Variants in CCDC198 observed in about 807,000 individuals in gnomAD.
CCDC198 encodes coiled-coil domain containing 198, also known as factor associated with metabolism and energy.
CCDC198 carries 18 observed loss-of-function variants against 35.6 expected under a neutral mutation model. The observed-to-expected ratio is 0.51, with a 90% CI of 0.35 to 0.75. The LOEUF is 0.75. Among genes scored for constraint, CCDC198 ranks in the 30% least tolerant of loss-of-function variants. The pLI, the probability that CCDC198 is intolerant of heterozygous loss-of-function variation, is 0.01. For missense variants in CCDC198, 365 were observed against 343.7 expected (o/e 1.06, Z -0.49); for synonymous variants, 119 against 113.4 (o/e 1.05, Z -0.31).
intron 5 of CCDC198, chr14:57,480,343 A>G (rs2067140499): frequency 1.0e-6 from 1 of 952,952 alleles, no homozygotes; most frequent in South Asian, 4.8e-5. Flanking sequence ...AAGACTTGCA[A>G]TGAAGCATGC....
intron 2 of CCDC198, among the ~76,000 whole-genome samples, chr14:57,489,291 A>G (rs61997495): frequency 0.16 from 24,552 of 152,142 alleles, 2,282 homozygotes; most frequent in Non-Finnish European, 0.2. Context: ...ACCAAACACT[A>G]CATGTTCTCA....
chr14:57,471,884 A>T (rs1251501645), intron 5 of CCDC198, among the ~76,000 whole-genome samples: 1 of 151,682 alleles, frequency 6.6e-6, no homozygotes, highest in Non-Finnish European at 1.5e-5. Context: ...ATACTTTTTC[A>T]TCATATATAT....
intron 2 of CCDC198, among the ~76,000 whole-genome samples, chr14:57,485,615 A>G (rs977371360): frequency 1.1e-4 from 16 of 152,328 alleles, no homozygotes; most frequent in Non-Finnish European, 1.8e-4. Context: ...AATGGGGAGC[A>G]TGACCTGGGT....
rs1594771370 is a variant in CCDC198, at chr14:57,471,075, G to A, written c.*280C>T. The A allele has an allele frequency of 6.4e-6, 2 of 310,480 alleles. No individual in the cohort carries two copies. The highest frequency in any genetic ancestry group is 1.2e-5 in the Non-Finnish European group (2 of 167,602). The allele number at this position is 310,480 out of a possible 1,614,324, so 19.2% of individuals were successfully genotyped here. Reference sequence around the variant, plus strand: ...TTCAATGACATGAAAGATTTCAAAAGGGAACAGCAGAAGAACCACCTAGCT... The same window carrying A: ...TTCAATGACATGAAAGATTTCAAAAAGGAACAGCAGAAGAACCACCTAGCT... On this transcript the variant is annotated 3_prime_UTR_variant, in exon 6 of 6. Coordinates refer to ENST00000216445, the MANE Select transcript of CCDC198 (RefSeq NM_018168.4).
intron 5 of CCDC198, among the ~76,000 whole-genome samples, chr14:57,476,032 A>T (rs1186033550): frequency 6.6e-6 from 1 of 151,494 alleles, no homozygotes; most frequent in Non-Finnish European, 1.5e-5. Context: ...CGAGCTCCTG[A>T]CCTCAAGTGA....
intron 5 of CCDC198, among the ~76,000 whole-genome samples, chr14:57,473,363 C>T (rs2066879643): frequency 6.6e-6 from 1 of 152,114 alleles, no homozygotes; most frequent in Non-Finnish European, 1.5e-5. Flanking sequence ...ATAATGCAGC[C>T]CTACCTTCTC....
chr14:57,491,884 T>C (rs2067583594), intron 1 of CCDC198, among the ~76,000 whole-genome samples: 2 of 152,078 alleles, frequency 1.3e-5, no homozygotes. Context: ...CCCTGGGTAA[T>C]TATGCATCTC....
chr14:57,479,216 A>C (rs1169353258), intron 5 of CCDC198, among the ~76,000 whole-genome samples: 1 of 152,150 alleles, frequency 6.6e-6, no homozygotes, highest in Non-Finnish European at 1.5e-5. Context: ...CTAGGTAGGC[A>C]ATGACTAGAT....
At chr14:57,493,455 T>G (rs2139578851) in intron 1 of CCDC198, 38 bp downstream of exon 1, 1 of 1,527,012 alleles carries the variant, frequency 6.5e-7, no homozygotes, top group East Asian at 2.3e-5. Context: ...TGCTCCTTGG[T>G]CCAGATACAC....
In CCDC198 at chr14:57,471,366, C is replaced by A. The variant is rs1566567390; in HGVS notation, c.880G>T (p.Asp294Tyr). Residue 294 changes from aspartate (D) to tyrosine (Y), a missense_variant, in exon 6 of 6, where the codon GAT becomes TAT. Coordinates refer to ENST00000216445, the MANE Select transcript of CCDC198 (RefSeq NM_018168.4). ...ERIPLFDEFFDQE is the reference protein window; with the variant it reads ...ERIPLFDEFFYQE Reference sequence around the variant, plus strand: ...AATGAATAGTATTCTTATTCTTGATCAAAAAACTCATCGAAAAGTGGGATT... The same window carrying A: ...AATGAATAGTATTCTTATTCTTGATAAAAAAACTCATCGAAAAGTGGGATT... The A allele has an allele frequency of 2.5e-6, 4 of 1,612,184 alleles. No individual in the cohort carries two copies. The highest frequency in any genetic ancestry group is 2.2e-5 in the East Asian group (1 of 44,848).
intron 5 of CCDC198, chr14:57,479,159 A>T (rs987464928): frequency 1.7e-6 from 1 of 598,912 alleles, no homozygotes; most frequent in Non-Finnish European, 2.7e-6. Context: ...GCCTGGCTGA[A>T]ATGTGGGGGC....
Position 57,493,814 on chromosome 14 carries a change from G to A in CCDC198, c.-99C>T, listed in dbSNP as rs969004173. The A allele has an allele frequency of 1.1e-5, 10 of 883,894 alleles. No individual in the cohort carries two copies. Among genetic ancestry groups the A allele is most frequent in the Non-Finnish European group, 1.7e-5 (10 of 583,018 alleles). 54.8% of individuals were successfully genotyped at this position (883,894 alleles called of 1,614,324 possible). A position where few individuals can be genotyped will look rare whatever the true frequency, so the allele number is the denominator to read the frequency against. On this transcript the variant is annotated 5_prime_UTR_variant, in exon 1 of 6. Coordinates refer to ENST00000216445, the MANE Select transcript of CCDC198 (RefSeq NM_018168.4). The stretch of plus-strand genomic sequence containing the variant: ...CAAAGCATTTCAGAAGTTTACCCTC[G>A]CTTTACAAAGCAGTCATTTCCTTCA...
chr14:57,475,935 G>A (rs1025116199), intron 5 of CCDC198, among the ~76,000 whole-genome samples: 18 of 150,676 alleles, frequency 1.2e-4, no homozygotes, highest in African/African-American at 4.1e-4. Flanking sequence ...CCCAGTAGTT[G>A]GGATTACAGG....
At chr14:57,483,435 A>T in intron 2 of CCDC198, 1 of 341,758 alleles carries the variant, frequency 2.9e-6, no homozygotes, top group South Asian at 3.9e-5. Context: ...GCATTAAGGG[A>T]CCATGTCCAA....
intron 2 of CCDC198, among the ~76,000 whole-genome samples, chr14:57,486,641 G>A (rs761117321): frequency 3.3e-5 from 5 of 152,066 alleles, no homozygotes; most frequent in East Asian, 1.9e-4. Flanking sequence ...ATAAAGGAAC[G>A]ACATCATAAT....
chr14:57,475,066 C>A (rs2066929372), intron 5 of CCDC198, among the ~76,000 whole-genome samples: 1 of 152,074 alleles, frequency 6.6e-6, no homozygotes, highest in East Asian at 1.9e-4. Flanking sequence ...TCGAGACCAT[C>A]TTGGCTAACA....
chr14:57,475,362 G>C, intron 5 of CCDC198: 1 of 999,612 alleles, frequency 1.0e-6, no homozygotes, highest in Non-Finnish European at 1.2e-6. Flanking sequence ...GGCCAGATAA[G>C]ACCAGAATTT....
At chr14:57,491,226 A>G (rs2067557560) in intron 1 of CCDC198, among the ~76,000 whole-genome samples, 155 bp from the exon 2 acceptor site, 1 of 152,106 alleles carries the variant, frequency 6.6e-6, no homozygotes, top group African/African-American at 2.4e-5. Context: ...TGAAACACAG[A>G]AAGCAGGGAA....
At chr14:57,481,796 T>C in intron 3 of CCDC198, 136 bp from the exon 4 acceptor site, 1 of 590,960 alleles carries the variant, frequency 1.7e-6, no homozygotes, top group Non-Finnish European at 3.0e-6. Flanking sequence ...ATGACAAAAG[T>C]GGACTATCGT....
Sources: allele counts gnomAD v4.1 joint callset (sites outside exome capture counted in the v4.1 genomes callset), GRCh38; gene constraint gnomAD v4.1.1; transcripts MANE v1.5; gene names NCBI Gene and HGNC (gene_info 2026-07-23, HGNC 2026-07-21).